CPLANE1: variants seen among roughly 807,000 people sequenced by gnomAD.
The protein encoded by CPLANE1 is ciliogenesis and planar polarity effector 1.
CPLANE1 carries 263 observed loss-of-function variants against 362.5 expected under a neutral mutation model. The ratio of observed to expected loss-of-function variants is 0.73; its 90% CI spans 0.66 to 0.80. CPLANE1 has a LOEUF of 0.80. Ranked by LOEUF, CPLANE1 falls within the 30% of genes least tolerant of loss-of-function variation. The pLI is 0.00. For synonymous variants in CPLANE1, 1,212 were observed against 1,302.6 expected (o/e 0.93, Z 1.50); for missense variants, 3,461 against 3,793.4 (o/e 0.91, Z 2.30).
intron 46 of CPLANE1, among the ~76,000 whole-genome samples, chr5:37,136,200 G>A (rs755406888): frequency 1.3e-5 from 2 of 152,186 alleles, no homozygotes; most frequent in Non-Finnish European, 2.9e-5. Context: ...ATACAATGGA[G>A]GTACAGGCAT....
At chr5:37,093,273 G>A in the CPLANE1 span, among the ~76,000 whole-genome samples, 1 of 152,088 alleles carries the variant, frequency 6.6e-6, no homozygotes, top group African/African-American at 2.4e-5. Flanking sequence ...AAAAATTCTT[G>A]CACGTCTGCA....
chr5:37,105,210 G>A (rs1010543135), downstream of CPLANE1, among the ~76,000 whole-genome samples: 1 of 152,122 alleles, frequency 6.6e-6, no homozygotes, highest in Non-Finnish European at 1.5e-5. Flanking sequence ...CGAGGTGGGA[G>A]GATCGCTTGA....
chr5:37,081,524 T>A, the CPLANE1 span, among the ~76,000 whole-genome samples: 1 of 152,020 alleles, frequency 6.6e-6, no homozygotes. Context: ...GGTTTCACCA[T>A]GTTGGCCAGG....
In CPLANE1 at chr5:37,227,063, G is replaced by A; in HGVS notation, c.1532C>T (p.Ala511Val). The A allele has an allele frequency of 6.5e-7, 1 of 1,541,814 alleles. No homozygotes were observed. The highest frequency in any genetic ancestry group is 1.2e-5 in the South Asian group (1 of 82,294). ...ENAADFQDFE[A>V]EETNEGRHFP... ...GTGTCTGCCTTCGTTAGTTTCTTCT[G>A]CTTCAAAATCCTAAAACATGAGGGG... Residue 511 changes from alanine (A) to valine (V), a missense_variant, in exon 12 of 53, where the codon GCA (alanine) becomes GTA (valine). By Grantham distance (64) the Ala-to-Val change is moderately conservative. Coordinates refer to ENST00000651892, the MANE Select transcript of CPLANE1 (RefSeq NM_001384732.1).
chr5:37,152,653 C>A (rs918589878), intron 42 of CPLANE1, among the ~76,000 whole-genome samples: 3 of 151,958 alleles, frequency 2.0e-5, no homozygotes, highest in African/African-American at 7.3e-5. Context: ...CTTTTGGAGG[C>A]CAAGGCAAGG....
At chr5:37,199,034 C>A (rs1788393970) in intron 19 of CPLANE1, among the ~76,000 whole-genome samples, 168 bp from the exon 20 acceptor site, 1 of 140,638 alleles carries the variant, frequency 7.1e-6, no homozygotes. Context: ...GAGTTGGAAG[C>A]TGAAGTGAGC....
chr5:37,165,852 T>C (rs1391849109), intron 35 of CPLANE1, among the ~76,000 whole-genome samples, 181 bp from the exon 36 acceptor site: 1 of 152,238 alleles, frequency 6.6e-6, no homozygotes, highest in Non-Finnish European at 1.5e-5. Context: ...ACACCAAATG[T>C]GAAATTTATT....
chr5:37,210,345 C>A, intron 16 of CPLANE1: 1 of 1,225,266 alleles, frequency 8.2e-7, no homozygotes, highest in Non-Finnish European at 1.2e-6. Context: ...GACTGAGGCA[C>A]TTAGGAGACG....
At position 37,171,804 on chromosome 5, in the gene CPLANE1, A is replaced by C. The variant is rs145373724; in HGVS notation, c.6172-1473T>G. 2.5e-3 allele frequency among the ~76,000 whole-genome samples: 366 copies of C among 149,032 alleles called. 1 individual carries two copies. Among genetic ancestry groups the C allele is most frequent in the Middle Eastern group, 0.01 (3 of 288 alleles). ...TCTCTCTATCTATCTATTCTATCTA[A>C]AAGACAAGGTCTCACCCTGCTACCC... On this transcript the variant is annotated intron_variant, in intron 32 of 52. Coordinates refer to ENST00000651892, the MANE Select transcript of CPLANE1 (RefSeq NM_001384732.1).
At chr5:37,248,274 T>C (rs140465253) in intron 1 of CPLANE1, among the ~76,000 whole-genome samples, 4,330 of 151,544 alleles carry the variant, frequency 0.029, 95 homozygotes, top group Middle Eastern at 0.12. Context: ...ATTACAGGCA[T>C]GCACCACCAC....
the CPLANE1 span, among the ~76,000 whole-genome samples, chr5:37,090,002 C>T: frequency 6.6e-6 from 1 of 152,138 alleles, no homozygotes; most frequent in South Asian, 2.1e-4. Context: ...AAGAAATACA[C>T]AGCTAAGAGA....
At position 37,157,390 on chromosome 5, in the gene CPLANE1, CT is replaced by C; in HGVS notation, c.8041del (p.Ser2681AlafsTer2). 7.0e-7 allele frequency: 1 copy of C among 1,429,984 alleles called. No homozygotes were observed. The highest frequency in any genetic ancestry group is 3.4e-5 in the East Asian group (1 of 29,074). 88.6% of individuals were successfully genotyped at this position (1,429,984 alleles called of 1,614,324 possible). A position where few individuals can be genotyped will look rare whatever the true frequency, so the allele number is the denominator to read the frequency against. ...CACTTCTGTAATGCCTGCTCTCAAG[CT>C]TTTTCCATCCAGACAAGCTGGAGTT... is the stretch of plus-strand genomic sequence containing the variant. ...EVTPACLDGK[S>X]LRAGITEVKE... On this transcript the variant is annotated frameshift_variant, in exon 41 of 53. Coordinates refer to ENST00000651892, the MANE Select transcript of CPLANE1 (RefSeq NM_001384732.1). LOFTEE classifies it high-confidence loss of function.
chr5:37,187,791 T>G lies in CPLANE1; in HGVS notation c.3863A>C (p.Lys1288Thr). The G allele has an allele frequency of 6.2e-7, 1 of 1,613,952 alleles. No individual in the cohort carries two copies. The highest frequency in any genetic ancestry group is 8.5e-7 in the Non-Finnish European group (1 of 1,179,908). Residue 1288 changes from lysine to threonine, a missense_variant, in exon 22 of 53, where the codon AAG becomes ACG. Lys to Thr is a moderately conservative substitution (Grantham distance 78). Transcript: ENST00000651892. ...ATATTGCCTGCAACTATAGGATAAC[T>G]TATCACGGACATGCAGCATCCAACA... ...ALCWMLHVRDKLSYSCRQYQK... is the reference protein window; with the variant it reads ...ALCWMLHVRDTLSYSCRQYQK...
intron 16 of CPLANE1, among the ~76,000 whole-genome samples, chr5:37,208,950 AAAAG>A (rs1791752212): frequency 8.2e-5 from 4 of 48,906 alleles, no homozygotes; most frequent in Non-Finnish European, 1.5e-4. Context: ...AAAAAAAAAG[AAAAG>A]AAAAAAAGAA....
rs138727804 is a variant in CPLANE1 at position 37,134,380 on chromosome 5, T to C, written c.8792+4340A>G. 5.4e-4 allele frequency among the ~76,000 whole-genome samples: 83 copies of C among 152,318 alleles called. 1 individual carries two copies. Among genetic ancestry groups the C allele is most frequent in the African/African-American group, 2.0e-3 (82 of 41,582 alleles). ...GATTCAATGTTGAGGGGTTGTGTGT[T>C]TCCAGGAATTTATCCATTTCCTCTA... On this transcript the variant is annotated intron_variant, in intron 46 of 52. Coordinates refer to ENST00000651892, the MANE Select transcript of CPLANE1 (RefSeq NM_001384732.1).
At position 37,206,383 on chromosome 5, in the gene CPLANE1, G is replaced by A. The variant is rs1790742419; in HGVS notation, c.2963C>T (p.Ala988Val). 5 of 1,551,440 alleles carry A rather than the reference G, an allele frequency of 3.2e-6. No homozygotes were observed. In the South Asian group the frequency reaches 5.9e-5, roughly 18 times the overall value. The change falls in exon 17 of 53, where the codon GCC (alanine) becomes GTC (valine). Residue 988 changes from alanine (A) to valine (V), a missense_variant. Around this residue, in one of 2 missense-constraint regions of CPLANE1, gnomAD observed 3,380 missense variants for 3,666.1 expected, o/e 0.92. Transcript: ENST00000651892. ...RLIPLQHSKV[A>V]SVVRDQNLSN... ...GAGATTCTGATCTCTAACAACACTG[G>A]CCACCTTAGAGTGTTGCAGAGGAAT...
Position 37,180,856 on chromosome 5 carries a change from C to T in CPLANE1, c.5570+1G>A. 6.2e-7 allele frequency: 1 copy of T among 1,613,756 alleles called. No homozygotes were observed. The highest frequency in any genetic ancestry group is 1.1e-5 in the South Asian group (1 of 91,050). On this transcript the variant is annotated splice_donor_variant, in intron 27 of 52. Coordinates refer to ENST00000651892, the MANE Select transcript of CPLANE1 (RefSeq NM_001384732.1). LOFTEE classifies it high-confidence loss of function. Reference sequence around the variant, plus strand: ...AAAGAAGAGTATAATCGGCAACTTACTTCAAGATATTTTGACAAGATTTAT... The same window carrying T: ...AAAGAAGAGTATAATCGGCAACTTATTTCAAGATATTTTGACAAGATTTAT...
chr5:37,137,849 T>C (rs145812425), intron 46 of CPLANE1, among the ~76,000 whole-genome samples: 18 of 151,990 alleles, frequency 1.2e-4, no homozygotes, highest in Non-Finnish European at 2.5e-4. Context: ...ATGGGAATTA[T>C]GGGAACTACA....
intron 8 of CPLANE1, among the ~76,000 whole-genome samples, chr5:37,233,184 C>G (rs1262260407): frequency 1.3e-5 from 2 of 152,216 alleles, no homozygotes; most frequent in African/African-American, 4.8e-5. Context: ...AAGCCTAGAG[C>G]AGCGTCAGAA....
Sources: allele counts gnomAD v4.1 joint callset (sites outside exome capture counted in the v4.1 genomes callset), GRCh38; gene constraint gnomAD v4.1.1; regional missense constraint gnomAD v4.1.1; transcripts MANE v1.5; gene names NCBI Gene and HGNC (gene_info 2026-07-23, HGNC 2026-07-21).